DSE: variants seen among roughly 807,000 people sequenced by gnomAD.
DSE encodes the protein dermatan sulfate epimerase.
DSE carries 36 observed loss-of-function variants against 84.4 expected under a neutral mutation model. The observed-to-expected ratio is 0.43, with a 90% CI of 0.33 to 0.56. The LOEUF (loss-of-function observed/expected upper bound fraction) is 0.56. Among genes scored for constraint, DSE ranks in the 20% least tolerant of loss-of-function variants. The pLI, the probability that DSE is intolerant of heterozygous loss-of-function variation, is 0.06. For missense variants in DSE, 862 were observed against 1,169.6 expected (o/e 0.74, Z 3.84); for synonymous variants, 410 against 430.1 (o/e 0.95, Z 0.58).
At chr6:116,384,293 A>G (rs1780437828) in intron 1 of DSE, among the ~76,000 whole-genome samples, 1 of 152,332 alleles carries the variant, frequency 6.6e-6, no homozygotes, top group South Asian at 2.1e-4. Context: ...AAATTTTGAG[A>G]TGGCATTTAG....
At chr6:116,347,234 A>G (rs139209235) in intron 2 of DSE, among the ~76,000 whole-genome samples, 3,265 of 152,298 alleles carry the variant, frequency 0.021, 114 homozygotes, top group African/African-American at 0.073. Context: ...CCATCAAGCT[A>G]CCAATGACTT....
chr6:116,370,824 C>T (rs1042861187), upstream of DSE: 2 of 985,532 alleles, frequency 2.0e-6, no homozygotes, highest in African/African-American at 1.7e-5. Flanking sequence ...TCCTCATCCT[C>T]GTCTCCTCTG....
At chr6:116,288,829 A>C (rs1774098080) in intron 2 of DSE, among the ~76,000 whole-genome samples, 1 of 152,044 alleles carries the variant, frequency 6.6e-6, no homozygotes, top group Non-Finnish European at 1.5e-5. Context: ...AAAAAGGTGT[A>C]GTTGCTGGAA....
intron 2 of DSE, among the ~76,000 whole-genome samples, chr6:116,295,160 G>A (rs753369273): frequency 6.6e-6 from 1 of 152,112 alleles, no homozygotes; most frequent in African/African-American, 2.4e-5. Flanking sequence ...CTTCCTAGAA[G>A]AAGAAAGGAC....
intron 2 of DSE, among the ~76,000 whole-genome samples, chr6:116,410,522 A>G (rs1782254905): frequency 6.6e-6 from 1 of 152,162 alleles, no homozygotes; most frequent in Non-Finnish European, 1.5e-5. Flanking sequence ...TCACAAGGTC[A>G]GGAGATCGAG....
intron 2 of DSE, among the ~76,000 whole-genome samples, chr6:116,291,767 A>G (rs1473302595): frequency 6.6e-6 from 1 of 152,156 alleles, no homozygotes; most frequent in Non-Finnish European, 1.5e-5. Context: ...AAATGCAGGC[A>G]AGGGTAGATG....
rs1197173083 is a variant in DSE, at chr6:116,444,791, T to C, written c.*7446T>C. 6.6e-6 allele frequency: 1 copy of C among 152,332 alleles called. No individual in the cohort carries two copies. The highest frequency in any genetic ancestry group is 2.4e-5 in the African/African-American group (1 of 41,558). The allele number at this position is 152,332 out of a possible 1,614,324, so 9.4% of individuals were successfully genotyped here. On this transcript the variant is annotated 3_prime_UTR_variant, in exon 6 of 6. Transcript: ENST00000644252. Reference sequence around the variant, plus strand: ...GTGAGTCCTCACCAGATACCACATCTGTTGTGCTTTGATCTTGGATTTCCC... The same window carrying C: ...GTGAGTCCTCACCAGATACCACATCCGTTGTGCTTTGATCTTGGATTTCCC...
intron 2 of DSE, among the ~76,000 whole-genome samples, chr6:116,412,090 C>A (rs1445945986): frequency 1.3e-5 from 2 of 152,180 alleles, no homozygotes; most frequent in Non-Finnish European, 2.9e-5. Flanking sequence ...ATCCACTGTA[C>A]TGCCAAATTA....
chr6:116,397,786 G>T (rs1305798231), intron 1 of DSE, among the ~76,000 whole-genome samples: 1 of 152,170 alleles, frequency 6.6e-6, no homozygotes, highest in Non-Finnish European at 1.5e-5. Context: ...TTCATCAGAA[G>T]TTCTGCTGTT....
At chr6:116,374,875 C>G (rs951103401) in intron 1 of DSE, among the ~76,000 whole-genome samples, 2 of 152,168 alleles carry the variant, frequency 1.3e-5, no homozygotes, top group Admixed American at 6.5e-5. Flanking sequence ...TCCTACCTTT[C>G]AATACTGCCA....
At chr6:116,293,680 T>C (rs1774449231) in intron 2 of DSE, among the ~76,000 whole-genome samples, 2 of 152,080 alleles carry the variant, frequency 1.3e-5, no homozygotes, top group African/African-American at 4.8e-5. Flanking sequence ...GGCAACAAGA[T>C]TGCTTGAGCT....
intron 3 of DSE, among the ~76,000 whole-genome samples, chr6:116,428,366 A>G (rs761901911): frequency 2.0e-5 from 3 of 152,210 alleles, no homozygotes; most frequent in Non-Finnish European, 4.4e-5. Flanking sequence ...CTTAAATTTA[A>G]GCTACTATAG....
chr6:116,326,424 T>C (rs12204234), intron 2 of DSE, among the ~76,000 whole-genome samples: 36,987 of 152,176 alleles, frequency 0.24, 5,766 homozygotes, highest in Non-Finnish European at 0.36. Flanking sequence ...TTTTGGCAGT[T>C]ACTGTGATAT....
intron 2 of DSE, among the ~76,000 whole-genome samples, chr6:116,281,895 C>T (rs1264632196): frequency 6.6e-6 from 1 of 152,224 alleles, no homozygotes; most frequent in African/African-American, 2.4e-5. Flanking sequence ...TATATAGTAA[C>T]AGTTTCCTAC....
At chr6:116,338,346 C>T (rs1777394251) in intron 2 of DSE, among the ~76,000 whole-genome samples, 1 of 151,430 alleles carries the variant, frequency 6.6e-6, no homozygotes, top group South Asian at 2.1e-4. Flanking sequence ...CCTCAGCCTC[C>T]CTAGTAGCTG....
chr6:116,418,820 T>G (rs1782890894), intron 2 of DSE, among the ~76,000 whole-genome samples: 2 of 152,172 alleles, frequency 1.3e-5, no homozygotes, highest in Admixed American at 6.5e-5. Flanking sequence ...ATTCTCAGCT[T>G]CACTGTTTAA....
chr6:116,377,014 G>A (rs1256372654), intron 1 of DSE, among the ~76,000 whole-genome samples: 5 of 152,154 alleles, frequency 3.3e-5, no homozygotes, highest in South Asian at 2.1e-4. Context: ...CAGTGCGAAC[G>A]ATAGCAGAAT....
intron 2 of DSE, among the ~76,000 whole-genome samples, chr6:116,305,357 T>C (rs922434833): frequency 2.0e-5 from 3 of 152,272 alleles, no homozygotes; most frequent in East Asian, 3.9e-4. Flanking sequence ...TTAAAACATA[T>C]TGTTGCTTTA....
intron 2 of DSE, among the ~76,000 whole-genome samples, chr6:116,302,596 A>G (rs181785532): frequency 4.6e-5 from 7 of 152,206 alleles, no homozygotes; most frequent in East Asian, 1.9e-4. Context: ...TAGGTTGCCT[A>G]TTCACTCTGA....
Sources: gnomAD v4.1 joint callset for allele counts (sites outside exome capture counted in the v4.1 genomes callset) on GRCh38, gnomAD v4.1.1 for gene constraint, MANE v1.5 for transcripts, NCBI Gene and HGNC (gene_info 2026-07-23, HGNC 2026-07-21) for gene names.